Variants in N4BP2 observed in about 807,000 individuals in gnomAD.
The protein encoded by N4BP2 is NEDD4-binding protein 2.
Under a neutral mutation model 152.8 loss-of-function variants are expected in N4BP2, and 91 were observed. The ratio of observed to expected loss-of-function variants is 0.60; its 90% CI spans 0.50 to 0.71. The LOEUF is 0.71. Among genes scored for constraint, N4BP2 ranks in the 30% least tolerant of loss-of-function variants. The pLI is 0.00. For missense variants in N4BP2, 1,923 were observed against 2,059.1 expected (o/e 0.93, Z 1.28); for synonymous variants, 646 against 705.3 (o/e 0.92, Z 1.33).
intron 2 of N4BP2, among the ~76,000 whole-genome samples, chr4:40,094,111 A>G (rs1046282372): frequency 6.6e-6 from 1 of 152,124 alleles, no homozygotes; most frequent in African/African-American, 2.4e-5. Flanking sequence ...TTTTTTCGAG[A>G]CTTCATCATT....
chr4:40,186,107 G>A, the N4BP2 span, among the ~76,000 whole-genome samples: 1 of 152,162 alleles, frequency 6.6e-6, no homozygotes, highest in Non-Finnish European at 1.5e-5. Context: ...GGCCTTTTAA[G>A]AGGTTTGATG....
Position 40,121,151 on chromosome 4 carries a change from T to C in N4BP2, c.3040T>C (p.Cys1014Arg), listed in dbSNP as rs146409608. Reference sequence around the variant, plus strand: ...AGACCCTGGAAAAGAAGTAGGCATGTGCACCCAGACTGAACCACAGGATTT... The same window carrying C: ...AGACCCTGGAAAAGAAGTAGGCATGCGCACCCAGACTGAACCACAGGATTT... ...KRDPGKEVGM[C>R]TQTEPQDFAL... Residue 1014 changes from cysteine to arginine, a missense_variant, in exon 9 of 18, where the codon TGC (cysteine) becomes CGC (arginine). Physicochemically the swap from Cys to Arg is radical, Grantham distance 180. Transcript: ENST00000261435. 1.3e-4 allele frequency: 215 copies of C among 1,614,168 alleles called. No individual in the cohort carries two copies. The African/African-American group carries it at 2.4e-3, about 18-fold the overall frequency.
Position 40,120,945 on chromosome 4 carries a change from A to G in N4BP2, c.2834A>G (p.Asn945Ser), listed in dbSNP as rs189974138. 22 of 1,614,190 alleles carry G rather than the reference A, an allele frequency of 1.4e-5. No homozygotes were observed. The Admixed American group carries it at 2.7e-4, about 20-fold the overall frequency. Residue 945 changes from asparagine to serine, a missense_variant, in exon 9 of 18, where the codon AAT (asparagine) becomes AGT (serine). Physicochemically the swap from Asn to Ser is conservative, Grantham distance 46. Transcript: ENST00000261435. ...AAACTAAAGACATTGGGTAGCTCCA[A>G]TCTAGGAAGTTCTGAAATGCTGCTC... ...SQKLKTLGSS[N>S]LGSSEMLLSE...
At chr4:40,101,261 A>G (rs940371616) in intron 3 of N4BP2, among the ~76,000 whole-genome samples, 1 of 152,114 alleles carries the variant, frequency 6.6e-6, no homozygotes, top group Non-Finnish European at 1.5e-5. Flanking sequence ...GGTTCAAGAG[A>G]TTCTCCCACC....
At chr4:40,147,581 G>T (rs1366122953) in intron 16 of N4BP2, among the ~76,000 whole-genome samples, 1 of 149,332 alleles carries the variant, frequency 6.7e-6, no homozygotes, top group Non-Finnish European at 1.5e-5. Flanking sequence ...CTGGCCGGGT[G>T]GGGGCTGACC....
chr4:40,075,355 C>A (rs574393807), intron 2 of N4BP2, among the ~76,000 whole-genome samples: 46 of 152,286 alleles, frequency 3.0e-4, no homozygotes, highest in African/African-American at 1.1e-3. Context: ...TAACATTTAA[C>A]AACATGTCTC....
intron 12 of N4BP2, among the ~76,000 whole-genome samples, chr4:40,127,753 C>T (rs1320257345): frequency 2.0e-5 from 3 of 152,154 alleles, no homozygotes; most frequent in South Asian, 2.1e-4. Flanking sequence ...CTCCGTCTCC[C>T]GGGTTCATGC....
At chr4:40,149,216 T>C (rs541720225) in intron 16 of N4BP2, among the ~76,000 whole-genome samples, 1 of 152,342 alleles carries the variant, frequency 6.6e-6, no homozygotes, top group African/African-American at 2.4e-5. Flanking sequence ...CATTAACTGA[T>C]GAATAGAGAA....
chr4:40,120,889 A>C lies in N4BP2; in HGVS notation c.2778A>C (p.Ala926=), dbSNP rs1717837551. Residue 926 remains alanine (A), a synonymous_variant, in exon 9 of 18, where the codon GCA becomes GCC. Transcript: ENST00000261435. ...DKMNEISLST[A]HEACWGTSSQ... ...TGAATGAAATATCCTTATCTACAGCACATGAGGCCTGTTGGGGCACAAGCT... is the reference window on the plus strand; with the variant it reads ...TGAATGAAATATCCTTATCTACAGCCCATGAGGCCTGTTGGGGCACAAGCT... The C allele has an allele frequency of 6.2e-7, 1 of 1,614,126 alleles. No homozygotes were observed. Among genetic ancestry groups the C allele is most frequent in the East Asian group, 2.2e-5 (1 of 44,882 alleles).
chr4:40,134,702 A>G (rs972025947), intron 13 of N4BP2, among the ~76,000 whole-genome samples: 6 of 152,148 alleles, frequency 3.9e-5, no homozygotes, highest in Non-Finnish European at 8.8e-5. Context: ...TGTGTTGAGC[A>G]TATCTGAGGC....
chr4:40,089,000 G>C (rs1203679643), intron 2 of N4BP2, among the ~76,000 whole-genome samples: 5 of 151,984 alleles, frequency 3.3e-5, no homozygotes, highest in Admixed American at 2.0e-4. Context: ...ACCTAGGCTG[G>C]AGTGCAATGG....
chr4:40,081,705 G>T (rs1713386704), intron 2 of N4BP2, among the ~76,000 whole-genome samples: 7 of 152,152 alleles, frequency 4.6e-5, no homozygotes, highest in Non-Finnish European at 1.0e-4. Flanking sequence ...GCTGGGCACA[G>T]TGGCTCATGC....
intron 2 of N4BP2, among the ~76,000 whole-genome samples, chr4:40,075,956 A>G (rs1432198592): frequency 6.6e-6 from 1 of 152,104 alleles, no homozygotes; most frequent in Non-Finnish European, 1.5e-5. Flanking sequence ...TCTCCTGAGC[A>G]GCTGGGACTA....
At chr4:40,164,185 C>CT in the N4BP2 span, among the ~76,000 whole-genome samples, 1 of 151,886 alleles carries the variant, frequency 6.6e-6, no homozygotes. Context: ...CCAGAGGGGG[C>CT]TGATAGACTG....
chr4:40,164,673 A>AG, the N4BP2 span, among the ~76,000 whole-genome samples: 1 of 152,156 alleles, frequency 6.6e-6, no homozygotes, highest in Admixed American at 6.6e-5. Flanking sequence ...GGTCACTGGG[A>AG]GGGGCTGAAA....
chr4:40,133,909 G>A (rs1361913977), intron 13 of N4BP2, among the ~76,000 whole-genome samples: 3 of 152,134 alleles, frequency 2.0e-5, no homozygotes, highest in African/African-American at 7.2e-5. Context: ...AAGCTCAAGT[G>A]ATCCTCCCAC....
intron 14 of N4BP2, among the ~76,000 whole-genome samples, chr4:40,141,709 T>A (rs1478075965): frequency 6.6e-6 from 1 of 152,126 alleles, no homozygotes; most frequent in Non-Finnish European, 1.5e-5. Flanking sequence ...GGCTGCAATC[T>A]CCGGCACTTT....
At chr4:40,152,503 G>A (rs970972541) in intron 16 of N4BP2, among the ~76,000 whole-genome samples, 2 of 152,180 alleles carry the variant, frequency 1.3e-5, no homozygotes, top group African/African-American at 4.8e-5. Context: ...ACTTCTGGTA[G>A]TGCACAGAAA....
At chr4:40,123,924 AAAT>A (rs1215963610) in intron 10 of N4BP2, among the ~76,000 whole-genome samples, 5 of 105,672 alleles carry the variant, frequency 4.7e-5, no homozygotes, top group Non-Finnish European at 1.2e-4. Context: ...TCATAACAAG[AAAT>A]TTTTTTTTTT....
Sources: gnomAD v4.1 joint callset for allele counts (sites outside exome capture counted in the v4.1 genomes callset) on GRCh38, gnomAD v4.1.1 for gene constraint, MANE v1.5 for transcripts, NCBI Gene and HGNC (gene_info 2026-07-23, HGNC 2026-07-21) for gene names.